DLG2: variants seen among roughly 807,000 people sequenced by gnomAD.
DLG2 encodes the protein discs large MAGUK scaffold protein 2, also known as disks large homolog 2.
DLG2 carries 45 observed loss-of-function variants against 132.5 expected under a neutral mutation model. The ratio of observed to expected loss-of-function variants is 0.34; its 90% CI spans 0.27 to 0.44. DLG2 has a LOEUF of 0.44. DLG2 is among the 20% of genes least tolerant of loss of function. DLG2 has a pLI of 1.00. For missense variants in DLG2, 1,045 were observed against 1,196.9 expected (o/e 0.87, Z 1.87); for synonymous variants, 424 against 419.6 (o/e 1.01, Z -0.13).
intron 6 of DLG2, among the ~76,000 whole-genome samples, chr11:85,047,377 T>C (rs1343066392): frequency 1.3e-5 from 2 of 152,058 alleles, no homozygotes; most frequent in South Asian, 2.1e-4. Flanking sequence ...GACAAGAACA[T>C]TTCAATTTTA....
chr11:85,425,686 T>A (rs1011803364), intron 3 of DLG2, among the ~76,000 whole-genome samples: 1 of 152,026 alleles, frequency 6.6e-6, no homozygotes, highest in Non-Finnish European at 1.5e-5. Flanking sequence ...TAGGAACAGC[T>A]CCACTCTACA....
intron 17 of DLG2, among the ~76,000 whole-genome samples, chr11:83,805,114 C>T (rs945435801): frequency 6.6e-6 from 1 of 152,064 alleles, no homozygotes; most frequent in Non-Finnish European, 1.5e-5. Context: ...CATGGACCAC[C>T]AGATCTCTTC....
intron 3 of DLG2, among the ~76,000 whole-genome samples, chr11:85,436,835 T>C (rs1472214430): frequency 2.0e-5 from 3 of 152,180 alleles, no homozygotes; most frequent in African/African-American, 7.2e-5. Context: ...ATTATTCTAC[T>C]ATGAAATACA....
At chr11:84,628,714 T>C (rs2099626886) in intron 6 of DLG2, among the ~76,000 whole-genome samples, 2 of 152,220 alleles carry the variant, frequency 1.3e-5, no homozygotes, top group African/African-American at 4.8e-5. Flanking sequence ...TGATTTTTTG[T>C]CTCAGAAGTC....
chr11:85,600,893 C>T (rs1353061441), intron 2 of DLG2, among the ~76,000 whole-genome samples: 2 of 152,164 alleles, frequency 1.3e-5, no homozygotes, highest in Non-Finnish European at 2.9e-5. Context: ...TTATCACTTT[C>T]TTATCAGCAA....
At chr11:84,219,056 A>G (rs2096878473) in intron 8 of DLG2, among the ~76,000 whole-genome samples, 1 of 152,214 alleles carries the variant, frequency 6.6e-6, no homozygotes, top group Non-Finnish European at 1.5e-5. Flanking sequence ...AACACATTAC[A>G]TAATCAATCC....
At chr11:84,586,191 G>C (rs555185237) in intron 6 of DLG2, among the ~76,000 whole-genome samples, 10 of 145,110 alleles carry the variant, frequency 6.9e-5, no homozygotes, top group African/African-American at 2.5e-4. Context: ...TGTTCATTGT[G>C]ATGGTGGATT....
At chr11:83,816,692 A>C (rs1432060049) in intron 17 of DLG2, among the ~76,000 whole-genome samples, 1 of 152,188 alleles carries the variant, frequency 6.6e-6, no homozygotes, top group Non-Finnish European at 1.5e-5. Context: ...ACTATCCCAA[A>C]CATAAGATTA....
intron 8 of DLG2, among the ~76,000 whole-genome samples, chr11:84,170,032 C>A (rs944728258): frequency 4.6e-5 from 7 of 152,212 alleles, no homozygotes; most frequent in South Asian, 2.1e-4. Context: ...CCTATATCCT[C>A]ATGTTCATGA....
intron 18 of DLG2, among the ~76,000 whole-genome samples, chr11:83,729,522 G>A (rs2090606216): frequency 6.6e-6 from 1 of 152,192 alleles, no homozygotes; most frequent in Non-Finnish European, 1.5e-5. Context: ...TCATGAGCCT[G>A]GAGATAGTAC....
intron 3 of DLG2, among the ~76,000 whole-genome samples, chr11:85,361,569 G>A (rs1245967663): frequency 6.6e-6 from 1 of 152,152 alleles, no homozygotes; most frequent in Non-Finnish European, 1.5e-5. Context: ...TTGACTATCT[G>A]TTTCTGAGTT....
At chr11:85,398,161 C>T (rs971720207) in intron 3 of DLG2, among the ~76,000 whole-genome samples, 2 of 152,170 alleles carry the variant, frequency 1.3e-5, no homozygotes, top group Non-Finnish European at 2.9e-5. Flanking sequence ...AACTGAACAA[C>T]TTGCTCCTGA....
chr11:84,065,610 G>T (rs1232957273), intron 10 of DLG2, among the ~76,000 whole-genome samples: 5 of 152,166 alleles, frequency 3.3e-5, no homozygotes, highest in Non-Finnish European at 7.4e-5. Flanking sequence ...GCTTATAATT[G>T]TTGGTGGGAG....
chr11:83,865,790 C>G (rs1242606987), intron 16 of DLG2, among the ~76,000 whole-genome samples: 1 of 152,088 alleles, frequency 6.6e-6, no homozygotes, highest in Non-Finnish European at 1.5e-5. Flanking sequence ...GTGGAAGACC[C>G]CATCAGGCAG....
chr11:84,806,191 A>T (rs2075979019), intron 6 of DLG2, among the ~76,000 whole-genome samples: 1 of 152,186 alleles, frequency 6.6e-6, no homozygotes, highest in Non-Finnish European at 1.5e-5. Flanking sequence ...AGCATTATTT[A>T]AAAAATCTAG....
chr11:85,395,893 C>T (rs1163683940), intron 3 of DLG2, among the ~76,000 whole-genome samples: 2 of 152,208 alleles, frequency 1.3e-5, no homozygotes, highest in Admixed American at 1.3e-4. Flanking sequence ...CCCTGTCTGA[C>T]AGCTCTGAAG....
At chr11:83,564,393 C>T (rs1386222387) in intron 19 of DLG2, among the ~76,000 whole-genome samples, 2 of 152,146 alleles carry the variant, frequency 1.3e-5, no homozygotes, top group Non-Finnish European at 2.9e-5. Flanking sequence ...CTGACTAGCT[C>T]GTGGCCTTGC....
intron 17 of DLG2, among the ~76,000 whole-genome samples, chr11:83,805,943 G>T (rs757340804): frequency 3.5e-4 from 53 of 152,138 alleles, no homozygotes; most frequent in Non-Finnish European, 1.0e-4. Flanking sequence ...GTCCAGATGA[G>T]AATGCTAGAG....
chr11:84,149,605 T>G (rs1321542539), intron 9 of DLG2, among the ~76,000 whole-genome samples: 1 of 152,192 alleles, frequency 6.6e-6, no homozygotes, highest in Non-Finnish European at 1.5e-5. Context: ...TACCATGCTA[T>G]TTGGTTTCTG....
Sources: gnomAD v4.1 joint callset for allele counts (sites outside exome capture counted in the v4.1 genomes callset) on GRCh38, gnomAD v4.1.1 for gene constraint, MANE v1.5 for transcripts, NCBI Gene and HGNC (gene_info 2026-07-23, HGNC 2026-07-21) for gene names.